Variants in KLHL38 observed in about 807,000 individuals in gnomAD.
KLHL38 encodes kelch like family member 38, also known as kelch-like protein 38.
KLHL38 carries 38 observed loss-of-function variants against 39.6 expected under a neutral mutation model. The ratio of observed to expected loss-of-function variants is 0.96; its 90% CI spans 0.74 to 1.26. The LOEUF (loss-of-function observed/expected upper bound fraction) is 1.26. KLHL38 is among the 50% of genes most tolerant of loss of function. The pLI is 0.00. For synonymous variants in KLHL38, 322 were observed against 302.2 expected (o/e 1.07, Z -0.68); for missense variants, 803 against 748.1 (o/e 1.07, Z -0.86).
chr8:123,646,177 A>G (rs1818663438), intron 3 of KLHL38, 149 bp from the exon 4 acceptor site: 2 of 708,776 alleles, frequency 2.8e-6, no homozygotes, highest in African/African-American at 3.5e-5. Flanking sequence ...TAACCTGCCA[A>G]GGCCTGCTTT....
In KLHL38 at chr8:123,644,621, G is replaced by C. The variant is rs1015634983; in HGVS notation, c.*1118C>G. Among the ~76,000 whole-genome samples the C allele has an allele frequency of 6.6e-6, 1 of 152,194 alleles. No individual in the cohort carries two copies. The highest frequency in any genetic ancestry group is 1.5e-5 in the Non-Finnish European group (1 of 68,024). ...ACCAAGCAGTTCCAGGAATCCTCTG[G>C]GTTCTCTCAGCCCTCTTGTTCCAGA... On this transcript the variant is annotated 3_prime_UTR_variant, in exon 4 of 4. Coordinates refer to ENST00000684634, the MANE Select transcript of KLHL38 (RefSeq NM_001081675.3).
At position 123,651,788 on chromosome 8, in the gene KLHL38, G is replaced by A; in HGVS notation, c.1139C>T (p.Ala380Val). The A allele has an allele frequency of 1.2e-6, 2 of 1,614,130 alleles. No individual in the cohort carries two copies. Among genetic ancestry groups the A allele is most frequent in the African/African-American group, 2.7e-5 (2 of 75,052 alleles). ...GATGGAGAAGATGAAGTTCTTATGG[G>A]CAGTGCTTCTGTGGGAGTAGCGGGC... ...LVARYSHRSTAHKNFIFSIGG... is the reference protein window; with the variant it reads ...LVARYSHRSTVHKNFIFSIGG... The change falls in exon 2 of 4, where the codon GCC becomes GTC. Residue 380 changes from alanine (A) to valine (V), a missense_variant. Ala to Val is a moderately conservative substitution (Grantham distance 64). Transcript: ENST00000684634.
chr8:123,651,587 C>T lies in KLHL38; in HGVS notation c.1340G>A (p.Arg447His), dbSNP rs745783229. The T allele has an allele frequency of 1.9e-5, 30 of 1,575,184 alleles. 1 individual carries two copies. Among genetic ancestry groups the T allele is most frequent in the Admixed American group, 9.0e-5 (5 of 55,714 alleles). ...GGEDIMQNPV[R>H]LIQVYHISRN... ...GAACCGGCCATTTACCTGGATAAGG[C>T]GCACAGGGTTCTGCATGATGTCCTC... Residue 447 changes from arginine (R) to histidine (H), a missense_variant, in exon 2 of 4, where the codon CGC (arginine) becomes CAC (histidine). Coordinates refer to ENST00000684634, the MANE Select transcript of KLHL38 (RefSeq NM_001081675.3).
chr8:123,648,261 A>T (rs1384135584), intron 2 of KLHL38, among the ~76,000 whole-genome samples: 1 of 152,164 alleles, frequency 6.6e-6, no homozygotes, highest in Non-Finnish European at 1.5e-5. Context: ...AACTACAGTG[A>T]GTGGGAGAGC....
Position 123,651,970 on chromosome 8 carries a change from C to T in KLHL38, c.957G>A (p.Pro319=), listed in dbSNP as rs748680546. 163 of 1,614,066 alleles carry T rather than the reference C, an allele frequency of 1.0e-4. No individual in the cohort carries two copies. Among genetic ancestry groups the T allele is most frequent in the Non-Finnish European group, 1.3e-4 (155 of 1,180,036 alleles). ...TGGCAGAGGCCTTGTACAGCCGTGTCGGGAGTTTGGCAAGGCTCTGCCATT... is the reference window on the plus strand; with the variant it reads ...TGGCAGAGGCCTTGTACAGCCGTGTTGGGAGTTTGGCAAGGCTCTGCCATT... The part of the protein sequence containing the change: ...TGQWQSLAKL[P]TRLYKASAIT... Residue 319 remains proline (P), a synonymous_variant, in exon 2 of 4, where the codon CCG becomes CCA. Coordinates refer to ENST00000684634, the MANE Select transcript of KLHL38 (RefSeq NM_001081675.3).
In KLHL38 at chr8:123,650,045, T is replaced by C. The variant is rs998961018; in HGVS notation, c.1350+1532A>G. The stretch of plus-strand genomic sequence containing the variant: ...CCTCTAAGTCGGATCTTCCCTTACA[T>C]GCTTTCTTAGCACCCACCCCACCCC... On this transcript the variant is annotated intron_variant, in intron 2 of 3. Transcript: ENST00000684634. Among the ~76,000 whole-genome samples the C allele has an allele frequency of 2.6e-5, 4 of 152,056 alleles. No homozygotes were observed. In the South Asian group the frequency reaches 6.2e-4, roughly 24 times the overall value.
intron 3 of KLHL38, 152 bp from the exon 4 acceptor site, chr8:123,646,180 C>T (rs528824455): frequency 1.4e-4 from 96 of 704,990 alleles, no homozygotes; most frequent in African/African-American, 9.8e-4. Context: ...CCTGCCAAGG[C>T]CTGCTTTGTG....
chr8:123,652,920 C>T lies in KLHL38; in HGVS notation c.7G>A (p.Glu3Lys), dbSNP rs370840806. The change falls in exon 2 of 4, where the codon GAG becomes AAG. Residue 3 changes from glutamate to lysine, a missense_variant. Coordinates refer to ENST00000684634, the MANE Select transcript of KLHL38 (RefSeq NM_001081675.3). ...AAGAGCAGCCCATCTAGTGACTCCT[C>T]GTCCATCCTACAAAGAGGGAAGGAA... is the stretch of plus-strand genomic sequence containing the variant. MD[E>K]ESLDGLLFKD... The T allele has an allele frequency of 6.5e-5, 103 of 1,590,988 alleles. No individual in the cohort carries two copies. The highest frequency in any genetic ancestry group is 2.6e-5 in the Non-Finnish European group (31 of 1,174,484).
intron 1 of KLHL38, 39 bp from the exon 2 acceptor site, chr8:123,652,966 T>A: frequency 3.9e-6 from 6 of 1,547,812 alleles, no homozygotes; most frequent in Non-Finnish European, 5.2e-6. Flanking sequence ...TCAGCAAGAG[T>A]CAAACCTTTC....
At position 123,652,471 on chromosome 8, in the gene KLHL38, C is replaced by T. The variant is rs1376957061; in HGVS notation, c.456G>A (p.Lys152=). Residue 152 remains lysine, a synonymous_variant, in exon 2 of 4, where the codon AAG becomes AAA. Transcript: ENST00000684634. ...LSEILSCETL[K]KKAREVALTS... Reference sequence around the variant, plus strand: ...TCAGTGCCACCTCCCTGGCTTTCTTCTTGAGGGTCTCGCAGCTTAAGATTT... The same window carrying T: ...TCAGTGCCACCTCCCTGGCTTTCTTTTTGAGGGTCTCGCAGCTTAAGATTT... 1 of 1,614,210 alleles carries T rather than the reference C, an allele frequency of 6.2e-7. No homozygotes were observed. Among genetic ancestry groups the T allele is most frequent in the Non-Finnish European group, 8.5e-7 (1 of 1,180,042 alleles).
intron 1 of KLHL38, among the ~76,000 whole-genome samples, chr8:123,653,314 T>C: frequency 6.6e-6 from 1 of 152,312 alleles, no homozygotes. Flanking sequence ...TCCAGATCGA[T>C]GGCATATCTG....
Position 123,653,580 on chromosome 8 carries a change from A to G in KLHL38, c.-2+6T>C, listed in dbSNP as rs1224677723. 1.3e-5 allele frequency among the ~76,000 whole-genome samples: 2 copies of G among 152,218 alleles called. No homozygotes were observed. The highest frequency in any genetic ancestry group is 1.5e-5 in the Non-Finnish European group (1 of 68,038). On this transcript the variant is annotated splice_donor_region_variant and intron_variant, in intron 1 of 3. Transcript: ENST00000684634. ...TGCAGAAGAAATAAGTATGAGGGAC[A>G]CTTACCTTGTTTTGCTGCGGTGACA...
intron 2 of KLHL38, 25 bp downstream of exon 2, chr8:123,651,552 G>T: frequency 1.3e-6 from 2 of 1,540,356 alleles, no homozygotes; most frequent in Non-Finnish European, 1.7e-6. Context: ...ATGCAGTTAC[G>T]TGATGGGAAG....
In KLHL38 at chr8:123,652,811, C is replaced by T. The variant is rs1812679236; in HGVS notation, c.116G>A (p.Cys39Tyr). 3.7e-6 allele frequency: 6 copies of T among 1,613,612 alleles called. No homozygotes were observed. Among genetic ancestry groups the T allele is most frequent in the African/African-American group, 1.3e-5 (1 of 75,068 alleles). ...GCAGGGGATCTCCCGGGCACCGGCA[C>T]AGATGCTCACATCAGTCAGGATCCT... is the stretch of plus-strand genomic sequence containing the variant. The part of the protein sequence containing the change: ...QSRILTDVSI[C>Y]AGAREIPCHR... The change falls in exon 2 of 4, where the codon TGT (cysteine) becomes TAT (tyrosine). Residue 39 changes from cysteine to tyrosine, a missense_variant. Physicochemically the swap from Cys to Tyr is radical, Grantham distance 194. Coordinates refer to ENST00000684634, the MANE Select transcript of KLHL38 (RefSeq NM_001081675.3).
chr8:123,650,029 C>T (rs1812610786), intron 2 of KLHL38, among the ~76,000 whole-genome samples: 1 of 152,006 alleles, frequency 6.6e-6, no homozygotes. Context: ...CCCTCTAAGT[C>T]GGATCTTCCC....
chr8:123,645,752 G>C lies in KLHL38; in HGVS notation c.1733C>G (p.Ser578Cys). 2.5e-6 allele frequency: 4 copies of C among 1,613,548 alleles called. No individual in the cohort carries two copies. The highest frequency in any genetic ancestry group is 3.4e-6 in the Non-Finnish European group (4 of 1,179,568). ...TTCTTGTCGACCTCATGGGAGGCCA[G>C]ACGTGCGGGGTATGCACTGGAGAGT... ...CLTLQCIPRT[S>C]GLP Residue 578 changes from serine (S) to cysteine (C), a missense_variant, in exon 4 of 4, where the codon TCT becomes TGT. Ser to Cys is a moderately radical substitution (Grantham distance 112). Coordinates refer to ENST00000684634, the MANE Select transcript of KLHL38 (RefSeq NM_001081675.3).
At chr8:123,650,935 G>A (rs1812630265) in intron 2 of KLHL38, among the ~76,000 whole-genome samples, 1 of 152,164 alleles carries the variant, frequency 6.6e-6, no homozygotes, top group Non-Finnish European at 1.5e-5. Flanking sequence ...AGAAGCACCT[G>A]CCAAATTCCT....
At position 123,651,728 on chromosome 8, in the gene KLHL38, G is replaced by A. The variant is rs777068141; in HGVS notation, c.1199C>T (p.Ser400Phe). The change falls in exon 2 of 4, where the codon TCC becomes TTC. Residue 400 changes from serine (S) to phenylalanine (F), a missense_variant. By Grantham distance (155) the Ser-to-Phe change is radical (BLOSUM62 -2). Coordinates refer to ENST00000684634, the MANE Select transcript of KLHL38 (RefSeq NM_001081675.3). ...GIGEGQELMG[S>F]MERYDSICNV... ...GCAGATGCTGTCATACCTTTCCATG[G>A]AGCCCATGAGCTCCTGCCCTTCTCC... The A allele has an allele frequency of 1.7e-5, 27 of 1,614,138 alleles. No homozygotes were observed. The Admixed American group carries it at 2.2e-4, about 13-fold the overall frequency.
chr8:123,652,648 A>G lies in KLHL38; in HGVS notation c.279T>C (p.Tyr93=), dbSNP rs948394048. ...PTLDQIVSYV[Y]TGEAHIATDN... is the part of the protein sequence containing the mutation. Reference sequence around the variant, plus strand: ...CAGTGGCAATATGTGCCTCCCCCGTATACACGTAGGAGACGATCTGGTCCA... The same window carrying G: ...CAGTGGCAATATGTGCCTCCCCCGTGTACACGTAGGAGACGATCTGGTCCA... Residue 93 remains tyrosine, a synonymous_variant, in exon 2 of 4, where the codon TAT becomes TAC. Coordinates refer to ENST00000684634, the MANE Select transcript of KLHL38 (RefSeq NM_001081675.3). 8.7e-6 allele frequency: 14 copies of G among 1,614,056 alleles called. No individual in the cohort carries two copies. Among genetic ancestry groups the G allele is most frequent in the African/African-American group, 1.3e-5 (1 of 74,920 alleles).
Sources: gnomAD v4.1 joint callset for allele counts (sites outside exome capture counted in the v4.1 genomes callset) on GRCh38, gnomAD v4.1.1 for gene constraint, MANE v1.5 for transcripts, NCBI Gene and HGNC (gene_info 2026-07-23, HGNC 2026-07-21) for gene names.